CHD9: variants seen among roughly 807,000 people sequenced by gnomAD.
CHD9 encodes the protein chromodomain helicase DNA binding protein 9.
Under a neutral mutation model 316.1 loss-of-function variants are expected in CHD9, and 77 were observed. That is an observed-to-expected ratio of 0.24 (90% confidence interval 0.20 to 0.29). CHD9 has a LOEUF of 0.29. Ranked by LOEUF, CHD9 falls within the 10% of genes least tolerant of loss-of-function variation. The pLI is 1.00. For missense variants in CHD9, 2,763 were observed against 3,438.1 expected (o/e 0.80, Z 4.91); for synonymous variants, 1,129 against 1,158.3 (o/e 0.97, Z 0.51).
chr16:53,104,995 A>AT (rs1555484093), intron 1 of CHD9, among the ~76,000 whole-genome samples: 2 of 151,138 alleles, frequency 1.3e-5, no homozygotes, highest in Non-Finnish European at 3.0e-5. Flanking sequence ...TTAAAAAAAA[A>AT]CAAAAAAACA....
Position 53,296,951 on chromosome 16 carries a change from A to C in CHD9, c.5511-5A>C, listed in dbSNP as rs767550384. On this transcript the variant is annotated splice_region_variant and splice_polypyrimidine_tract_variant and intron_variant, in intron 29 of 38. Coordinates refer to ENST00000447540, the MANE Select transcript of CHD9 (RefSeq NM_001308319.2). ...GGTTTTTTTCTTTAATCTGACTCAA[A>C]ATAGATGGACAAGAAGAGAAGAAGC... 1.7e-5 allele frequency: 28 copies of C among 1,609,150 alleles called. 1 individual carries two copies. In the South Asian group the frequency reaches 3.1e-4, roughly 18 times the overall value.
chr16:53,130,400 G>C (rs1253418828), intron 1 of CHD9, among the ~76,000 whole-genome samples: 1 of 151,682 alleles, frequency 6.6e-6, no homozygotes, highest in African/African-American at 2.4e-5. Flanking sequence ...CTGCATGTGA[G>C]TGACCTCTGC....
intron 2 of CHD9, among the ~76,000 whole-genome samples, chr16:53,159,304 A>T (rs1293614027): frequency 6.6e-6 from 1 of 152,150 alleles, no homozygotes; most frequent in Non-Finnish European, 1.5e-5. Context: ...TATATGAAAA[A>T]AATACCAGAA....
intron 1 of CHD9, among the ~76,000 whole-genome samples, chr16:53,088,894 A>C (rs1350056784): frequency 6.6e-6 from 1 of 151,978 alleles, no homozygotes; most frequent in Non-Finnish European, 1.5e-5. Context: ...CAGGCGGATC[A>C]TGAGGTCAGG....
chr16:53,163,174 G>A (rs1476824922), intron 2 of CHD9, among the ~76,000 whole-genome samples: 2 of 79,078 alleles, frequency 2.5e-5, no homozygotes, highest in African/African-American at 9.6e-5. Context: ...GAGATCTCTT[G>A]TTTGTCCTTT....
intron 2 of CHD9, among the ~76,000 whole-genome samples, chr16:53,204,072 C>T (rs1487281437): frequency 7.0e-6 from 1 of 143,584 alleles, no homozygotes; most frequent in African/African-American, 2.6e-5. Context: ...CACACACACA[C>T]ACACACACAC....
chr16:53,084,840 GTCAAGTCTT>G (rs2035329184), intron 1 of CHD9, among the ~76,000 whole-genome samples: 1 of 152,154 alleles, frequency 6.6e-6, no homozygotes, highest in South Asian at 2.1e-4. Flanking sequence ...TAGGATGCTG[GTCAAGTCTT>G]TCGTGGTATG....
chr16:53,222,690 T>C lies in CHD9; in HGVS notation c.1831T>C (p.Ser611Pro). 6.3e-7 allele frequency: 1 copy of C among 1,581,822 alleles called. No individual in the cohort carries two copies. Among genetic ancestry groups the C allele is most frequent in the Non-Finnish European group, 8.6e-7 (1 of 1,158,900 alleles). The change falls in exon 4 of 39, where the codon TCT becomes CCT. Residue 611 changes from serine to proline, a missense_variant. Physicochemically the swap from Ser to Pro is moderately conservative, Grantham distance 74. Transcript: ENST00000447540. ...LGKKQKRKNESSDEISDAEQM... is the reference protein window; with the variant it reads ...LGKKQKRKNEPSDEISDAEQM... ...TAAGAAACAAAAAAGAAAGAATGAG[T>C]CTTCAGATGAAATATCTGATGCAGA...
At chr16:53,097,183 T>G (rs1466659981) in intron 1 of CHD9, among the ~76,000 whole-genome samples, 1 of 152,114 alleles carries the variant, frequency 6.6e-6, no homozygotes, top group East Asian at 1.9e-4. Flanking sequence ...TTAAATACAC[T>G]TACATTTTGA....
intron 1 of CHD9, among the ~76,000 whole-genome samples, chr16:53,125,154 T>TA (rs2038914799): frequency 6.6e-6 from 1 of 152,168 alleles, no homozygotes; most frequent in Non-Finnish European, 1.5e-5. Flanking sequence ...GCTCTTTATA[T>TA]ATTCTGTACA....
intron 2 of CHD9, among the ~76,000 whole-genome samples, chr16:53,204,058 T>TATATATATATAC (rs773266940): frequency 2.2e-4 from 14 of 63,004 alleles, no homozygotes; most frequent in African/African-American, 3.1e-4. Flanking sequence ...AATATATATA[T>TATATATATATAC]ACACACACAC....
At position 53,274,994 on chromosome 16, in the gene CHD9, T is replaced by A. The variant is rs1189346301; in HGVS notation, c.4967+692T>A. Among the ~76,000 whole-genome samples the A allele has an allele frequency of 2.0e-5, 3 of 152,134 alleles. No individual in the cohort carries two copies. In the East Asian group the frequency reaches 5.8e-4, roughly 29 times the overall value. ...AGAATGGTATCTAATGGAAACTAGA[T>A]GCCATTAAAGCAGACACAGATTTTT... On this transcript the variant is annotated intron_variant, in intron 24 of 38. Coordinates refer to ENST00000447540, the MANE Select transcript of CHD9 (RefSeq NM_001308319.2).
intron 34 of CHD9, among the ~76,000 whole-genome samples, chr16:53,309,547 T>G (rs182313468): frequency 6.6e-6 from 1 of 152,350 alleles, no homozygotes; most frequent in South Asian, 2.1e-4. Flanking sequence ...TCAACACATA[T>G]TTATTAAATA....
At chr16:53,223,529 C>G (rs1213061040) in intron 4 of CHD9, 1 of 152,500 alleles carries the variant, frequency 6.6e-6, no homozygotes, top group Non-Finnish European at 1.5e-5. Context: ...GACTGAAGCT[C>G]CTAATATTAC....
intron 30 of CHD9, chr16:53,299,498 C>A (rs1272572031): frequency 1.1e-5 from 3 of 279,258 alleles, no homozygotes; most frequent in South Asian, 4.5e-5. Context: ...CTGCAGCAGC[C>A]ATCTTCAAAA....
intron 3 of CHD9, 103 bp downstream of exon 3, chr16:53,209,916 G>A: frequency 1.2e-6 from 1 of 821,314 alleles, no homozygotes; most frequent in South Asian, 2.0e-5. Context: ...TCCCATATTT[G>A]AGTTTTAAAT....
Position 53,229,026 on chromosome 16 carries a change from A to C in CHD9, c.2212A>C (p.Lys738Gln). ...CEWATEEQLL[K>Q]DKRIQQKIKR... is the part of the protein sequence containing the mutation. ...GTGGGCCACAGAAGAGCAGCTTTTGAAAGATAAAAGGATCCAGCAGAAAAT... is the reference window on the plus strand; with the variant it reads ...GTGGGCCACAGAAGAGCAGCTTTTGCAAGATAAAAGGATCCAGCAGAAAAT... The change falls in exon 8 of 39, where the codon AAA becomes CAA. Residue 738 changes from lysine (K) to glutamine (Q), a missense_variant. By Grantham distance (53) the Lys-to-Gln change is moderately conservative. This residue lies in a region of CHD9 where 859 missense variants were observed against 890.4 expected (regional missense o/e 0.96). Transcript: ENST00000447540. 1 of 1,597,670 alleles carries C rather than the reference A, an allele frequency of 6.3e-7. No homozygotes were observed. Among genetic ancestry groups the C allele is most frequent in the Non-Finnish European group, 8.5e-7 (1 of 1,171,558 alleles).
chr16:53,308,564 A>G, intron 33 of CHD9, 122 bp from the exon 34 acceptor site: 1 of 671,958 alleles, frequency 1.5e-6, no homozygotes, highest in Non-Finnish European at 2.6e-6. Context: ...TGAGAAATGA[A>G]CTTCTTTGAT....
At position 53,268,069 on chromosome 16, in the gene CHD9, T is replaced by C. The variant is rs757266080; in HGVS notation, c.4660T>C (p.Trp1554Arg). The C allele has an allele frequency of 6.2e-7, 1 of 1,613,126 alleles. No homozygotes were observed. Among genetic ancestry groups the C allele is most frequent in the East Asian group, 2.2e-5 (1 of 44,790 alleles). ...RGDEKIKGFI[W>R]DLITPTEDGQ... is the part of the protein sequence containing the mutation. ...AGATGAGAAGATTAAAGGTTTCATA[T>C]GGGATCTCATTACTCCAACTGAAGA... The change falls in exon 22 of 39, where the codon TGG (tryptophan) becomes CGG (arginine). Residue 1554 changes from tryptophan (W) to arginine (R), a missense_variant. Physicochemically the swap from Trp to Arg is moderately radical, Grantham distance 101 (BLOSUM62 -3). Coordinates refer to ENST00000447540, the MANE Select transcript of CHD9 (RefSeq NM_001308319.2).
Sources: allele counts gnomAD v4.1 joint callset (sites outside exome capture counted in the v4.1 genomes callset), GRCh38; gene constraint gnomAD v4.1.1; regional missense constraint gnomAD v4.1.1; transcripts MANE v1.5; gene names NCBI Gene and HGNC (gene_info 2026-07-23, HGNC 2026-07-21).